Variants in CCNL1 observed in about 807,000 individuals in gnomAD.
CCNL1 encodes cyclin L1, also known as cyclin-L1.
CCNL1 carries 13 observed loss-of-function variants against 60.6 expected under a neutral mutation model. That is an observed-to-expected ratio of 0.21 (90% CI 0.14 to 0.34). The LOEUF is 0.34. CCNL1 is among the 10% of genes least tolerant of loss of function. CCNL1 has a pLI of 1.00. For missense variants in CCNL1, 481 were observed against 664.3 expected, an observed-to-expected ratio of 0.72 and a Z score of 3.03; for synonymous variants, 270 against 244.3, an observed-to-expected ratio of 1.10 and a Z score of -0.98.
chr3:157,151,980 T>G, intron 5 of CCNL1, 197 bp downstream of exon 5: 6 of 1,389,928 alleles, frequency 4.3e-6, no homozygotes, highest in Non-Finnish European at 5.6e-6. Flanking sequence ...AGTTCTCCAT[T>G]AAAAGTAATT....
downstream of CCNL1, among the ~76,000 whole-genome samples, chr3:157,145,437 C>CAAAAAAAAAAAA (rs56894231): frequency 1.6e-4 from 4 of 24,268 alleles, no homozygotes; most frequent in Non-Finnish European, 3.0e-4. Flanking sequence ...GACTTCATCT[C>CAAAAAAAAAAAA]AAAAAAAAAA....
chr3:157,151,427 C>G, intron 5 of CCNL1: 7 of 985,798 alleles, frequency 7.1e-6, no homozygotes, highest in Non-Finnish European at 8.4e-6. Flanking sequence ...AGCATTTAAG[C>G]AATATTATAG....
intron 10 of CCNL1, chr3:157,149,057 G>A (rs1737971165): frequency 4.0e-6 from 2 of 504,278 alleles, no homozygotes; most frequent in East Asian, 6.5e-5. Context: ...CAAGCACTTT[G>A]TGGGTAGCTC....
At chr3:157,157,127 CAT>C (rs1178211365) in intron 3 of CCNL1, 25 of 1,288,358 alleles carry the variant, frequency 1.9e-5, no homozygotes, top group Non-Finnish European at 2.2e-5. Context: ...AAGTTAATAA[CAT>C]ATACAAGTTA....
At chr3:157,146,010 T>C (rs1028325982), downstream of CCNL1, among the ~76,000 whole-genome samples, 2 of 152,192 alleles carry the variant, frequency 1.3e-5, no homozygotes, top group African/African-American at 4.8e-5. Flanking sequence ...CTTTTAACTC[T>C]TACAATAAAG....
At chr3:157,152,400 T>A (rs1301651653) in intron 4 of CCNL1, 159 bp from the exon 5 acceptor site, 5 of 1,328,964 alleles carry the variant, frequency 3.8e-6, no homozygotes, top group Non-Finnish European at 4.8e-6. Context: ...TGTGAACTGC[T>A]ACATGACTAG....
At chr3:157,156,750 C>T (rs76134759) in intron 3 of CCNL1, among the ~76,000 whole-genome samples, 5,090 of 152,280 alleles carry the variant, frequency 0.033, 202 homozygotes, top group South Asian at 0.18. Flanking sequence ...TAGATTAAAA[C>T]AAATAGCATC....
At chr3:157,148,880 A>C in intron 10 of CCNL1, 1 of 375,538 alleles carries the variant, frequency 2.7e-6, no homozygotes, top group Non-Finnish European at 4.7e-6. Flanking sequence ...AAAGACATTG[A>C]AGAGCCACGA....
chr3:157,159,988 G>C lies in CCNL1; in HGVS notation c.107C>G (p.Thr36Arg), dbSNP rs1387352173. 3 of 1,581,876 alleles carry C rather than the reference G, an allele frequency of 1.9e-6. No individual in the cohort carries two copies. The highest frequency in any genetic ancestry group is 1.8e-5 in the Admixed American group (1 of 54,686). ...ATCGCCGATCAGGATCCCTCCCGTCGTGGTCGTCGTCGTGGTCGTCGTCCC... is the reference window on the plus strand; with the variant it reads ...ATCGCCGATCAGGATCCCTCCCGTCCTGGTCGTCGTCGTGGTCGTCGTCCC... The part of the protein sequence containing the change: ...SSGTTTTTTT[T>R]TGGILIGDRL... Residue 36 changes from threonine to arginine, a missense_variant, in exon 1 of 11, where the codon ACG (threonine) becomes AGG (arginine). By Grantham distance (71) the Thr-to-Arg change is moderately conservative. This residue lies in a region of CCNL1 where 65 missense variants were observed against 57.5 expected (regional missense o/e 1.13). Transcript: ENST00000295926.
At chr3:157,148,899 C>A in intron 10 of CCNL1, 1 of 356,782 alleles carries the variant, frequency 2.8e-6, no homozygotes, top group Non-Finnish European at 5.0e-6. Context: ...GAAGAGCTAA[C>A]AATCTAATTA....
chr3:157,145,435 C>A (rs1218153441), downstream of CCNL1, among the ~76,000 whole-genome samples: 1 of 25,904 alleles, frequency 3.9e-5, no homozygotes. Context: ...GAGACTTCAT[C>A]TCAAAAAAAA....
chr3:157,144,124 G>A (rs185778984), downstream of CCNL1, among the ~76,000 whole-genome samples: 2 of 152,272 alleles, frequency 1.3e-5, no homozygotes, highest in African/African-American at 2.4e-5. Context: ...AACATAGATG[G>A]CAAAAGCAGA....
chr3:157,159,501 G>A (rs771776196), intron 1 of CCNL1, 22 bp from the exon 2 acceptor site: 8 of 1,604,914 alleles, frequency 5.0e-6, no homozygotes, highest in South Asian at 3.3e-5. Context: ...AGAGGAGAAC[G>A]GAAGCGCAGG....
rs773811917 is a variant in CCNL1 at position 157,150,056 on chromosome 3, A to G, written c.879+9T>C. The G allele has an allele frequency of 6.2e-7, 1 of 1,608,358 alleles. No individual in the cohort carries two copies. On this transcript the variant is annotated intron_variant, in intron 7 of 10. Coordinates refer to ENST00000295926, the MANE Select transcript of CCNL1 (RefSeq NM_020307.4). ...AGCATGTTGGCACAAACGAGTAAATAGAGAATACCTTTTTTCTGGTATAAA... is the reference window on the plus strand; with the variant it reads ...AGCATGTTGGCACAAACGAGTAAATGGAGAATACCTTTTTTCTGGTATAAA...
rs1738977683 is a variant in CCNL1 at position 157,160,072 on chromosome 3, G to A, written c.23C>T (p.Thr8Ile). 3 of 1,555,278 alleles carry A rather than the reference G, an allele frequency of 1.9e-6. No homozygotes were observed. The highest frequency in any genetic ancestry group is 2.4e-5 in the East Asian group (1 of 41,416). The change falls in exon 1 of 11, where the codon ACA (threonine) becomes ATA (isoleucine). Residue 8 changes from threonine (T) to isoleucine (I), a missense_variant. Around this residue, in one of 5 missense-constraint regions of CCNL1, gnomAD observed 65 missense variants for 57.5 expected, o/e 1.13. Transcript: ENST00000295926. MASGPHS[T>I]ATAAAAASSA... The stretch of plus-strand genomic sequence containing the variant: ...TGAGGCGGCTGCGGCAGCAGTAGCT[G>A]TCGAATGAGGCCCGGACGCCATAGT...
chr3:157,148,405 G>A lies in CCNL1; in HGVS notation c.1417C>T (p.Arg473Ter), dbSNP rs1737901118. 1.2e-6 allele frequency: 2 copies of A among 1,614,010 alleles called. No homozygotes were observed. The highest frequency in any genetic ancestry group is 1.7e-6 in the Non-Finnish European group (2 of 1,180,038). Residue 473 changes from arginine to a stop codon, truncating the protein, a stop_gained, in exon 11 of 11, where the codon CGA (arginine) becomes TGA (stop). Transcript: ENST00000295926. LOFTEE classifies it high-confidence loss of function. Reference protein sequence around the residue: ...HGHKRKKSRSRSQSKSRDHSD... With the variant: ...HGHKRKKSRS Reference sequence around the variant, plus strand: ...TGATCCCGAGACTTGCTCTGAGATCGAGAACGAGATTTTTTCCTTTTATGA... The same window carrying A: ...TGATCCCGAGACTTGCTCTGAGATCAAGAACGAGATTTTTTCCTTTTATGA...
chr3:157,159,644 C>G, intron 1 of CCNL1, 148 bp downstream of exon 1: 1 of 998,612 alleles, frequency 1.0e-6, no homozygotes, highest in Non-Finnish European at 1.4e-6. Flanking sequence ...CCCCCCGCCC[C>G]GGCACGCCCC....
At chr3:157,157,728 G>A (rs1269594785) in intron 3 of CCNL1, among the ~76,000 whole-genome samples, 1 of 152,216 alleles carries the variant, frequency 6.6e-6, no homozygotes, top group Non-Finnish European at 1.5e-5. Flanking sequence ...GAAAAAGTAT[G>A]TAGGAAAACT....
Position 157,158,951 on chromosome 3 carries a change from G to A in CCNL1, c.403C>T (p.Leu135Phe), listed in dbSNP as rs781229208. 6.2e-7 allele frequency: 1 copy of A among 1,612,590 alleles called. No homozygotes were observed. The highest frequency in any genetic ancestry group is 1.1e-5 in the South Asian group (1 of 90,986). The change falls in exon 3 of 11, where the codon CTT becomes TTT. Residue 135 changes from leucine to phenylalanine, a missense_variant. Physicochemically the swap from Leu to Phe is conservative, Grantham distance 22. This residue lies in a region of CCNL1 where 130 missense variants were observed against 174.5 expected (regional missense o/e 0.75). Transcript: ENST00000295926. ...GGTGCTTCTTCGATTTTTGATGCAA[G>A]ATTAATACAAGCCATAGCAACAATC... ...FEIVAMACIN[L>F]ASKIEEAPRR...
Sources: allele counts gnomAD v4.1 joint callset (sites outside exome capture counted in the v4.1 genomes callset), GRCh38; gene constraint gnomAD v4.1.1; regional missense constraint gnomAD v4.1.1; transcripts MANE v1.5; gene names NCBI Gene and HGNC (gene_info 2026-07-23, HGNC 2026-07-21).